Variants in TGIF1 observed in about 807,000 individuals in gnomAD.
TGIF1 encodes the protein homeobox protein TGIF1.
TGIF1 carries 4 observed loss-of-function variants against 19.3 expected under a neutral mutation model. The ratio of observed to expected loss-of-function variants is 0.21; its 90% confidence interval spans 0.10 to 0.47. TGIF1 has a LOEUF of 0.47. TGIF1 is among the 20% of genes least tolerant of loss of function. TGIF1 has a pLI of 0.98. For missense variants in TGIF1, 275 were observed against 341.4 expected (o/e 0.81, Z 1.53); for synonymous variants, 122 against 129.3 (o/e 0.94, Z 0.38).
chr18:3,435,387 G>C (rs2082602346), intron 2 of TGIF1, among the ~76,000 whole-genome samples: 1 of 152,046 alleles, frequency 6.6e-6, no homozygotes, highest in South Asian at 2.1e-4. Flanking sequence ...AGTAGAGATG[G>C]GGTTTCACCG....
At chr18:3,430,087 CAGGGGT>C (rs1473972739) in intron 2 of TGIF1, among the ~76,000 whole-genome samples, 2 of 152,156 alleles carry the variant, frequency 1.3e-5, no homozygotes, top group African/African-American at 4.8e-5. Flanking sequence ...AATTGGGAGG[CAGGGGT>C]TGCAGTGAGC....
chr18:3,449,538 T>TTGGCCCCCC, upstream of TGIF1: 2 of 961,940 alleles, frequency 2.1e-6, no homozygotes, highest in Non-Finnish European at 2.5e-6. Context: ...GTCTCATCAT[T>TTGGCCCCCC]CCCCCCCGCC....
chr18:3,422,320 A>AG (rs1491046126), intron 2 of TGIF1, among the ~76,000 whole-genome samples: 1 of 149,806 alleles, frequency 6.7e-6, no homozygotes, highest in Non-Finnish European at 1.5e-5. Context: ...AAAAAAAAAA[A>AG]ATTTGATAGA....
At chr18:3,455,925 G>A (rs2049336936) in intron 1 of TGIF1, 1 of 265,758 alleles carries the variant, frequency 3.8e-6, no homozygotes, top group Non-Finnish European at 7.4e-6. Context: ...TGTACATTAG[G>A]ACTGGTTAGG....
Position 3,423,454 on chromosome 18 carries a change from C to T in TGIF1, c.-45+5239C>T, listed in dbSNP as rs1018195898. ...CAGCACTTTGGGAGGCCAGGGCGGG[C>T]AGATCACGAGGTCAGGACATCGAGA... is the stretch of plus-strand genomic sequence containing the variant. On this transcript the variant is annotated intron_variant, in intron 2 of 3. Transcript: ENST00000401449. Among the ~76,000 whole-genome samples, 10 of 152,084 alleles carry T rather than the reference C, an allele frequency of 6.6e-5. 1 individual carries two copies. The South Asian group carries it at 1.7e-3, about 25-fold the overall frequency.
At chr18:3,441,685 CTTATG>C (rs1347652072) in intron 2 of TGIF1, among the ~76,000 whole-genome samples, 1 of 152,174 alleles carries the variant, frequency 6.6e-6, no homozygotes, top group Non-Finnish European at 1.5e-5. Flanking sequence ...ATGAATTGTA[CTTATG>C]TTAAGGGAGT....
At position 3,452,264 on chromosome 18, in the gene TGIF1, C is replaced by T. The variant is rs8098291; in HGVS notation, c.16+1759C>T. On this transcript the variant is annotated intron_variant, in intron 1 of 2. Coordinates refer to ENST00000343820, the MANE Select transcript of TGIF1 (RefSeq NM_003244.4). ...GCTGCCCACAGCCGCGTGCCCTCTC[C>T]CCGGAGCTGGGGACCAAGGCTGGGC... 15,732 of 1,609,982 alleles carry T rather than the reference C, an allele frequency of 9.8e-3. 1,088 individuals are homozygous for T. In the African/African-American group the frequency reaches 0.16, roughly 17 times the overall value.
At chr18:3,448,357 G>C, upstream of TGIF1, 1 of 1,005,268 alleles carries the variant, frequency 9.9e-7, no homozygotes, top group Non-Finnish European at 1.2e-6. Context: ...TAGCGAGGCG[G>C]CCCCCTCTAA....
chr18:3,452,224 CT>C lies in TGIF1; in HGVS notation c.16+1720del, dbSNP rs11571510. On this transcript the variant is annotated intron_variant, in intron 1 of 2. Transcript: ENST00000343820. ...CTCCTGGGGTCCTCCTGCGCCCCCC[CT>C]CCTCCACCGGCGCGCTGCCCACAGC... 0.39 allele frequency: 616,676 copies of C among 1,590,158 alleles called. 123,175 individuals carry two copies. Among genetic ancestry groups the C allele is most frequent in the Non-Finnish European group, 0.42 (489,998 of 1,161,064 alleles).
At chr18:3,418,955 G>A (rs2082366700) in intron 2 of TGIF1, 2 of 152,198 alleles carry the variant, frequency 1.3e-5, no homozygotes, top group Non-Finnish European at 2.9e-5. Context: ...CTACTCAGGA[G>A]GCTGAGGCAG....
At chr18:3,426,607 C>T (rs2082472882) in intron 2 of TGIF1, among the ~76,000 whole-genome samples, 5 of 152,136 alleles carry the variant, frequency 3.3e-5, no homozygotes, top group Admixed American at 3.3e-4. Context: ...TTTGCTAATA[C>T]TGTGGAGAAA....
Position 3,456,597 on chromosome 18 carries a change from T to TGA in TGIF1, c.243+19_243+20dup. The TGA allele has an allele frequency of 6.2e-7, 1 of 1,610,054 alleles. No homozygotes were observed. The highest frequency in any genetic ancestry group is 1.3e-5 in the African/African-American group (1 of 74,950). ...ACGCTACAGGTAAAGAAAGAGAGCG[T>TGA]GAGGTTTATGGATGCATTTTTAGTT... On this transcript the variant is annotated intron_variant, in intron 2 of 2. Transcript: ENST00000343820. This position sits in a 1 kb window ranked among gnomAD's most constrained non-coding sequence, Gnocchi z 4.2.
In TGIF1 at chr18:3,458,199, ATG is replaced by A; in HGVS notation, c.*262_*263del. ...ATAATGTGAGATGGTTCCCAATATCATGTGATTTTTTTTTTCCTCCCCTTCCC... is the reference window on the plus strand; with the variant it reads ...ATAATGTGAGATGGTTCCCAATATCATGATTTTTTTTTTCCTCCCCTTCCC... On this transcript the variant is annotated 3_prime_UTR_variant, in exon 3 of 3. Transcript: ENST00000343820. The A allele has an allele frequency of 2.3e-6, 1 of 438,786 alleles. No individual in the cohort carries two copies. The highest frequency in any genetic ancestry group is 4.2e-5 in the East Asian group (1 of 23,560). 27.2% of individuals were successfully genotyped at this position (438,786 alleles called of 1,614,324 possible).
chr18:3,416,427 A>AATC (rs559127018), intron 1 of TGIF1, among the ~76,000 whole-genome samples: 119 of 152,174 alleles, frequency 7.8e-4, no homozygotes, highest in African/African-American at 2.7e-3. Flanking sequence ...GAGGCAGGAG[A>AATC]ATCACTTGAA....
At chr18:3,448,717 C>CTTT (rs869086299), upstream of TGIF1, 100 of 255,880 alleles carry the variant, frequency 3.9e-4, 6 homozygotes, top group African/African-American at 3.2e-3. Flanking sequence ...GCGGGGGTGT[C>CTTT]TTTTTTTTTT....
chr18:3,453,604 T>C (rs2083061677), intron 1 of TGIF1, among the ~76,000 whole-genome samples: 1 of 150,344 alleles, frequency 6.7e-6, no homozygotes, highest in South Asian at 2.1e-4. Flanking sequence ...GAGAATCGCT[T>C]GAACCCTGGA....
intron 1 of TGIF1, among the ~76,000 whole-genome samples, chr18:3,454,534 A>G (rs1175666373): frequency 6.6e-6 from 1 of 152,230 alleles, no homozygotes; most frequent in East Asian, 1.9e-4. Context: ...ATTAAAGCCA[A>G]TGTGAGACAG....
rs563889954 is a variant in TGIF1 at position 3,423,343 on chromosome 18, C to T, written c.-45+5128C>T. ...AGGAGGGTCCCTTGAGCCCAGAGTT[C>T]TCAACCAGCCTGGGCAACATAGTGA... On this transcript the variant is annotated intron_variant, in intron 2 of 3. Coordinates refer to the TGIF1 transcript ENST00000401449. 1.8e-3 allele frequency among the ~76,000 whole-genome samples: 274 copies of T among 152,122 alleles called. 1 individual carries two copies. Among genetic ancestry groups the T allele is most frequent in the Non-Finnish European group, 3.2e-3 (217 of 67,994 alleles).
At chr18:3,449,122 T>C (rs914064023), upstream of TGIF1, among the ~76,000 whole-genome samples, 3 of 152,130 alleles carry the variant, frequency 2.0e-5, no homozygotes, top group Admixed American at 6.5e-5. Flanking sequence ...GAAAGCGCAA[T>C]TTCATCAAGA....
Sources: allele counts gnomAD v4.1 joint callset (sites outside exome capture counted in the v4.1 genomes callset), GRCh38; gene constraint gnomAD v4.1.1; non-coding constraint Gnocchi (gnomAD v3.1); transcripts MANE v1.5; gene names NCBI Gene and HGNC (gene_info 2026-07-23, HGNC 2026-07-21).